The following HECW1 variants were observed in gnomAD, a reference collection of about 807,000 sequenced individuals.
The protein encoded by HECW1 is HECT, C2 and WW domain containing E3 ubiquitin protein ligase 1, also known as E3 ubiquitin-protein ligase HECW1.
A neutral mutation model predicts 182.3 loss-of-function variants in HECW1; 61 were observed. That is an observed-to-expected ratio of 0.33 (90% CI 0.27 to 0.41). The LOEUF (loss-of-function observed/expected upper bound fraction) is 0.41, where lower values mean the gene tolerates loss of function less well. Among genes scored for constraint, HECW1 ranks in the 10% least tolerant of loss-of-function variants. The pLI is 1.00. For synonymous variants in HECW1, 859 were observed against 832.6 expected, an observed-to-expected ratio of 1.03 and a Z score of -0.55; for missense variants, 1,739 against 2,108.9, an observed-to-expected ratio of 0.82 and a Z score of 3.44.
intron 5 of HECW1, among the ~76,000 whole-genome samples, chr7:43,333,184 G>A (rs948346841): frequency 6.6e-6 from 1 of 152,204 alleles, no homozygotes; most frequent in Non-Finnish European, 1.5e-5. Context: ...AAGGAAATGT[G>A]GGGGGCATCA....
chr7:43,406,602 C>A (rs978984929), intron 7 of HECW1, among the ~76,000 whole-genome samples: 1 of 152,098 alleles, frequency 6.6e-6, no homozygotes, highest in African/African-American at 2.4e-5. Context: ...AAAAATACTT[C>A]AATAATAGAA....
intron 3 of HECW1, among the ~76,000 whole-genome samples, chr7:43,278,100 C>T (rs188463397): frequency 2.3e-4 from 35 of 152,226 alleles, no homozygotes; most frequent in Non-Finnish European, 4.6e-4. Flanking sequence ...AATGTATATG[C>T]CCATTTCAGA....
At chr7:43,325,797 G>A (rs554853896) in intron 5 of HECW1, among the ~76,000 whole-genome samples, 34 of 152,208 alleles carry the variant, frequency 2.2e-4, no homozygotes, top group African/African-American at 8.2e-4. Flanking sequence ...GGCCTGTCTT[G>A]CCCCTCGTTT....
At chr7:43,528,150 G>A (rs2080834165) in intron 24 of HECW1, among the ~76,000 whole-genome samples, 1 of 152,108 alleles carries the variant, frequency 6.6e-6, no homozygotes, top group South Asian at 2.1e-4. Flanking sequence ...TCGTTTTTGC[G>A]ACTTGTAGAC....
At chr7:43,366,347 AC>A (rs1816656962) in intron 6 of HECW1, among the ~76,000 whole-genome samples, 1 of 151,982 alleles carries the variant, frequency 6.6e-6, no homozygotes, top group Non-Finnish European at 1.5e-5. Context: ...ATTGATAAAT[AC>A]CCTCCCTTCC....
At chr7:43,212,302 C>T (rs1376079206) in intron 2 of HECW1, among the ~76,000 whole-genome samples, 1 of 152,182 alleles carries the variant, frequency 6.6e-6, no homozygotes, top group African/African-American at 2.4e-5. Context: ...TCAGATCATA[C>T]ACTCTTTATT....
intron 5 of HECW1, 26 bp downstream of exon 5, chr7:43,320,768 C>A: frequency 6.6e-7 from 1 of 1,526,330 alleles, no homozygotes; most frequent in Admixed American, 1.7e-5. Flanking sequence ...ATTCTTGTGG[C>A]TTGGCAGACA....
intron 16 of HECW1, among the ~76,000 whole-genome samples, chr7:43,478,628 A>T (rs1304588135): frequency 2.6e-5 from 4 of 152,118 alleles, no homozygotes; most frequent in African/African-American, 9.6e-5. Context: ...ATAGATCTTG[A>T]TGTGAAGAAA....
At chr7:43,144,764 G>T (rs949431691) in intron 2 of HECW1, among the ~76,000 whole-genome samples, 8 of 151,916 alleles carry the variant, frequency 5.3e-5, no homozygotes, top group Non-Finnish European at 1.2e-4. Context: ...TCTTGTTTTA[G>T]TCCTAGATCA....
chr7:43,508,126 G>A lies in HECW1; in HGVS notation c.3861G>A (p.Glu1287=), dbSNP rs1336952607. ...AGCTCTACGTCACCTTTGTTGGAGA[G>A]GAGGGGTGAGGCACCAGGAGTTTTA... The part of the protein sequence containing the change: ...RNKLYVTFVG[E]EGLDYSGPSR... Residue 1287 remains glutamate (E), a synonymous_variant, in exon 23 of 30, where the codon GAG becomes GAA. Transcript: ENST00000395891. 1.2e-6 allele frequency: 2 copies of A among 1,610,612 alleles called. No homozygotes were observed. Among genetic ancestry groups the A allele is most frequent in the Non-Finnish European group, 1.7e-6 (2 of 1,176,986 alleles).
chr7:43,332,220 G>C (rs1238588044), intron 5 of HECW1, among the ~76,000 whole-genome samples: 1 of 152,082 alleles, frequency 6.6e-6, no homozygotes, highest in Non-Finnish European at 1.5e-5. Context: ...TAAATAAAAA[G>C]CTTCTCCTCT....
At chr7:43,117,130 C>G (rs1053377464) in intron 2 of HECW1, among the ~76,000 whole-genome samples, 1 of 152,048 alleles carries the variant, frequency 6.6e-6, no homozygotes, top group African/African-American at 2.4e-5. Context: ...TTCTTGTTCC[C>G]AGTGAGGAAT....
At chr7:43,137,273 C>G (rs1194570109) in intron 2 of HECW1, among the ~76,000 whole-genome samples, 3 of 152,148 alleles carry the variant, frequency 2.0e-5, no homozygotes, top group African/African-American at 7.2e-5. Flanking sequence ...TTCAGCAGAG[C>G]CTCAGTCATG....
intron 24 of HECW1, among the ~76,000 whole-genome samples, chr7:43,515,619 T>A (rs751911541): frequency 1.3e-5 from 2 of 152,204 alleles, no homozygotes; most frequent in Admixed American, 1.3e-4. Flanking sequence ...CAAATACTTA[T>A]CAGTGCAAAG....
At chr7:43,180,660 G>GCTGGGATTA (rs1370626370) in intron 2 of HECW1, among the ~76,000 whole-genome samples, 4 of 152,210 alleles carry the variant, frequency 2.6e-5, no homozygotes, top group Non-Finnish European at 4.4e-5. Flanking sequence ...CTCCCAAAGT[G>GCTGGGATTA]CTGGGATTAC....
intron 3 of HECW1, among the ~76,000 whole-genome samples, chr7:43,269,352 C>G (rs1256612086): frequency 2.6e-5 from 4 of 152,198 alleles, no homozygotes; most frequent in African/African-American, 9.7e-5. Flanking sequence ...TGAAGTTGCC[C>G]CCGATCCCTT....
intron 6 of HECW1, among the ~76,000 whole-genome samples, chr7:43,386,279 C>T (rs1463508193): frequency 6.6e-6 from 1 of 152,244 alleles, no homozygotes; most frequent in Non-Finnish European, 1.5e-5. Context: ...GAGTAATTCA[C>T]AGTCCCTGAG....
At chr7:43,468,655 G>A (rs1418861062) in intron 15 of HECW1, among the ~76,000 whole-genome samples, 1 of 152,090 alleles carries the variant, frequency 6.6e-6, no homozygotes, top group African/African-American at 2.4e-5. Flanking sequence ...CAAGTAGCTG[G>A]GATCACAAGC....
At chr7:43,370,957 G>A (rs1034545417) in intron 6 of HECW1, among the ~76,000 whole-genome samples, 7 of 149,666 alleles carry the variant, frequency 4.7e-5, no homozygotes, top group African/African-American at 1.5e-4. Flanking sequence ...GCGCAATCTC[G>A]GCCCACTGCA....
Sources: gnomAD v4.1 joint callset for allele counts (sites outside exome capture counted in the v4.1 genomes callset) on GRCh38, gnomAD v4.1.1 for gene constraint, MANE v1.5 for transcripts, NCBI Gene and HGNC (gene_info 2026-07-23, HGNC 2026-07-21) for gene names.